DOCK10: variants seen among roughly 807,000 people sequenced by gnomAD.
DOCK10 encodes the protein dedicator of cytokinesis 10.
Under a neutral mutation model 280.1 loss-of-function variants are expected in DOCK10, and 145 were observed. That is an observed-to-expected ratio of 0.52 (90% CI 0.45 to 0.59). The LOEUF (loss-of-function observed/expected upper bound fraction) is 0.59. Among genes scored for constraint, DOCK10 ranks in the 20% least tolerant of loss-of-function variants. The pLI is 0.00. For missense variants in DOCK10, 2,368 were observed against 2,651.7 expected (o/e 0.89, Z 2.35); for synonymous variants, 915 against 942.2 (o/e 0.97, Z 0.53).
At chr2:224,920,475 A>G (rs1701641335) in intron 2 of DOCK10, among the ~76,000 whole-genome samples, 1 of 152,050 alleles carries the variant, frequency 6.6e-6, no homozygotes, top group African/African-American at 2.4e-5. Flanking sequence ...ACTATATTGA[A>G]GTTTTGGAGT....
At chr2:224,909,225 A>G (rs1301243864) in intron 3 of DOCK10, among the ~76,000 whole-genome samples, 3 of 152,176 alleles carry the variant, frequency 2.0e-5, no homozygotes, top group Non-Finnish European at 4.4e-5. Flanking sequence ...AGATCACTTT[A>G]ATTGCCCCCC....
intron 50 of DOCK10, among the ~76,000 whole-genome samples, chr2:224,782,785 T>C (rs1003877907): frequency 6.6e-6 from 1 of 152,216 alleles, no homozygotes; most frequent in Non-Finnish European, 1.5e-5. Flanking sequence ...GCAAAGAGCC[T>C]ATTGCATATC....
intron 11 of DOCK10, among the ~76,000 whole-genome samples, chr2:224,873,274 G>A (rs1698408445): frequency 6.6e-6 from 1 of 152,022 alleles, no homozygotes; most frequent in African/African-American, 2.4e-5. Context: ...AAATAAAAAT[G>A]TCCCTGTAAA....
At chr2:224,794,855 A>C in intron 45 of DOCK10, 24 bp downstream of exon 45, 1 of 1,611,124 alleles carries the variant, frequency 6.2e-7, no homozygotes, top group Non-Finnish European at 8.5e-7. Context: ...ACTGATGGTA[A>C]ATGACCAAGC....
chr2:224,943,856 T>C (rs1382777470), intron 1 of DOCK10, among the ~76,000 whole-genome samples: 1 of 150,738 alleles, frequency 6.6e-6, no homozygotes, highest in Non-Finnish European at 1.5e-5. Flanking sequence ...CTCTGCTTCC[T>C]GGGTTCAAGT....
chr2:224,814,414 G>GATACATAATGA, intron 30 of DOCK10, 50 bp from the exon 31 acceptor site: 1 of 984,766 alleles, frequency 1.0e-6, no homozygotes, highest in Non-Finnish European at 1.5e-6. Context: ...TACATACTCA[G>GATACATAATGA]ATACATATGT....
chr2:224,965,153 C>T (rs1704663404), intron 1 of DOCK10, among the ~76,000 whole-genome samples: 1 of 152,134 alleles, frequency 6.6e-6, no homozygotes. Context: ...GCACATTTTT[C>T]CAAAAACATA....
chr2:224,766,142 GTTTATAA>G (rs1401161131), intron 55 of DOCK10, among the ~76,000 whole-genome samples: 1 of 151,928 alleles, frequency 6.6e-6, no homozygotes, highest in Non-Finnish European at 1.5e-5. Context: ...TATTCTAAAA[GTTTATAA>G]TTTATATTGT....
intron 1 of DOCK10, among the ~76,000 whole-genome samples, chr2:225,014,302 T>C (rs1447903163): frequency 6.6e-6 from 1 of 151,724 alleles, no homozygotes; most frequent in Admixed American, 6.6e-5. Context: ...CAATGAAAAA[T>C]TTTTGAAATA....
chr2:224,780,017 G>A (rs949292437), intron 50 of DOCK10, among the ~76,000 whole-genome samples: 3 of 152,180 alleles, frequency 2.0e-5, no homozygotes, highest in African/African-American at 7.2e-5. Flanking sequence ...ATGAATGAAA[G>A]AGTTCTTAAA....
At chr2:225,000,893 T>C (rs1344664926) in intron 1 of DOCK10, among the ~76,000 whole-genome samples, 3 of 152,182 alleles carry the variant, frequency 2.0e-5, no homozygotes, top group Admixed American at 1.3e-4. Context: ...GGAGGATCGC[T>C]TGAACTGAGG....
intron 31 of DOCK10, 111 bp downstream of exon 31, chr2:224,814,206 TATG>T (rs1430011990): frequency 6.0e-5 from 30 of 497,888 alleles, no homozygotes; most frequent in Non-Finnish European, 9.6e-5. Context: ...ATTTTTATCA[TATG>T]ATATTAAATA....
Position 224,852,971 on chromosome 2 carries a change from T to G in DOCK10, c.2040A>C (p.Lys680Asn), listed in dbSNP as rs369075349. ...VYKNQIYIYP[K>N]HLKYDSQKCF... The stretch of plus-strand genomic sequence containing the variant: ...ATTTCTGGCTATCATACTTGAGGTG[T>G]TTGGGGTAAATATAAATTTGATTTT... The change falls in exon 17 of 56, where the codon AAA (lysine) becomes AAC (asparagine). Residue 680 changes from lysine to asparagine, a missense_variant. By Grantham distance (94) the Lys-to-Asn change is moderately conservative. This residue lies in a region of DOCK10 where 1,209 missense variants were observed against 1,250.9 expected (regional missense o/e 0.97). Transcript: ENST00000258390. The G allele has an allele frequency of 6.1e-5, 98 of 1,609,240 alleles. No homozygotes were observed. Among genetic ancestry groups the G allele is most frequent in the Non-Finnish European group, 7.7e-5 (91 of 1,177,202 alleles).
chr2:224,915,560 C>T (rs1039332187), intron 3 of DOCK10, among the ~76,000 whole-genome samples: 1 of 152,080 alleles, frequency 6.6e-6, no homozygotes, highest in African/African-American at 2.4e-5. Context: ...TTAATATGTA[C>T]ATTAATAAGG....
intron 16 of DOCK10, 123 bp downstream of exon 16, chr2:224,854,840 T>TAACCAACTAACTAGCCAACCAACC: frequency 1.6e-6 from 1 of 638,038 alleles, no homozygotes; most frequent in South Asian, 2.0e-5. Flanking sequence ...CAAAACCTTG[T>TAACCAACTAACTAGCCAACCAACC]AACCAACCAA....
chr2:224,814,846 T>C (rs1413061948), intron 30 of DOCK10, among the ~76,000 whole-genome samples: 1 of 152,144 alleles, frequency 6.6e-6, no homozygotes, highest in African/African-American at 2.4e-5. Context: ...AAAAAGAGGG[T>C]CATGAGCAGA....
intron 4 of DOCK10, among the ~76,000 whole-genome samples, chr2:224,895,763 C>T (rs180678682): frequency 5.7e-4 from 85 of 149,450 alleles, no homozygotes; most frequent in South Asian, 1.7e-3. Context: ...TCTCCAAAGG[C>T]TTATGTTCCT....
At chr2:224,839,255 ATT>A (rs577799384) in intron 24 of DOCK10, among the ~76,000 whole-genome samples, 15 of 131,690 alleles carry the variant, frequency 1.1e-4, no homozygotes, top group East Asian at 2.2e-4. Context: ...ATTTTTTGTA[ATT>A]TTTTTTTTTT....
intron 1 of DOCK10, among the ~76,000 whole-genome samples, chr2:224,994,374 A>C (rs1706209585): frequency 6.6e-6 from 1 of 152,204 alleles, no homozygotes. Flanking sequence ...ATTAAGTGAG[A>C]TAATATGTAT....
Sources: gnomAD v4.1 joint callset for allele counts (sites outside exome capture counted in the v4.1 genomes callset) on GRCh38, gnomAD v4.1.1 for gene constraint, gnomAD v4.1.1 regional missense constraint, MANE v1.5 for transcripts, NCBI Gene and HGNC (gene_info 2026-07-23, HGNC 2026-07-21) for gene names.